Variants in CGRRF1 observed in about 807,000 individuals in gnomAD.
CGRRF1 encodes cell growth regulator with ring finger domain 1.
Under a neutral mutation model 37.2 loss-of-function variants are expected in CGRRF1, and 32 were observed. The ratio of observed to expected loss-of-function variants is 0.86; its 90% CI spans 0.65 to 1.16. The LOEUF is 1.16. Ranked by LOEUF, CGRRF1 falls within the 50% of genes most tolerant of loss-of-function variation. The probability of loss-of-function intolerance (pLI) is 0.00; values close to 1 mark genes in which losing one functional copy is unlikely to be tolerated. For synonymous variants in CGRRF1, 141 were observed against 140.3 expected (o/e 1.00, Z -0.04); for missense variants, 391 against 382.6 (o/e 1.02, Z -0.18).
chr14:54,521,658 C>T (rs1040202620), intron 1 of CGRRF1, among the ~76,000 whole-genome samples: 3 of 151,626 alleles, frequency 2.0e-5, no homozygotes, highest in Non-Finnish European at 4.4e-5. Flanking sequence ...GTCCACGCCA[C>T]CATGCCCAGC....
intron 1 of CGRRF1, 38 bp from the exon 2 acceptor site, chr14:54,522,416 T>G (rs1238065871): frequency 7.3e-7 from 1 of 1,377,758 alleles, no homozygotes; most frequent in Non-Finnish European, 9.7e-7. Context: ...AGTTTCAACA[T>G]TTGTTAAAAT....
chr14:54,530,240 T>C lies in CGRRF1; in HGVS notation c.422+14T>C. On this transcript the variant is annotated intron_variant, in intron 3 of 5. Transcript: ENST00000216420. ...GGAACAGTATTTGTATCCTTTCGTC[T>C]GATATACCCATTAGCACTGAAAATT... 6.3e-7 allele frequency: 1 copy of C among 1,575,082 alleles called. No homozygotes were observed. Among genetic ancestry groups the C allele is most frequent in the Non-Finnish European group, 8.7e-7 (1 of 1,148,962 alleles).
chr14:54,519,094 C>T (rs61987166), intron 1 of CGRRF1, among the ~76,000 whole-genome samples: 6,311 of 152,186 alleles, frequency 0.041, 247 homozygotes, highest in East Asian at 0.18. Context: ...AGGCATGCAC[C>T]ACCATGCCCA....
chr14:54,520,144 T>G (rs753552925), intron 1 of CGRRF1, among the ~76,000 whole-genome samples: 2 of 152,176 alleles, frequency 1.3e-5, no homozygotes, highest in Non-Finnish European at 2.9e-5. Flanking sequence ...AGTCTTGCTC[T>G]GTCGCTCAGG....
At chr14:54,531,244 C>T (rs2032510663) in intron 4 of CGRRF1, 194 bp downstream of exon 4, 5 of 519,364 alleles carry the variant, frequency 9.6e-6, no homozygotes, top group Non-Finnish European at 1.4e-5. Context: ...CCTTATGGGT[C>T]ACAGTAATAT....
chr14:54,522,076 A>G (rs2032326545), intron 1 of CGRRF1, among the ~76,000 whole-genome samples: 1 of 152,176 alleles, frequency 6.6e-6, no homozygotes, highest in Non-Finnish European at 1.5e-5. Context: ...TCCCTTATAT[A>G]ACATTACATA....
At chr14:54,535,077 T>C (rs2032578536) in intron 4 of CGRRF1, among the ~76,000 whole-genome samples, 1 of 152,176 alleles carries the variant, frequency 6.6e-6, no homozygotes, top group Non-Finnish European at 1.5e-5. Context: ...AAATCAATGA[T>C]TTGAGAATAA....
intron 1 of CGRRF1, among the ~76,000 whole-genome samples, chr14:54,518,070 T>C (rs922258694): frequency 3.9e-5 from 6 of 152,222 alleles, no homozygotes; most frequent in African/African-American, 1.2e-4. Context: ...TTGTGACTAG[T>C]GCTGAAATTA....
Position 54,509,916 on chromosome 14 carries a change from G to A in CGRRF1, c.-44G>A. 6.9e-7 allele frequency: 1 copy of A among 1,457,234 alleles called. No homozygotes were observed. Among genetic ancestry groups the A allele is most frequent in the Non-Finnish European group, 9.6e-7 (1 of 1,038,228 alleles). 90.3% of individuals were successfully genotyped at this position (1,457,234 alleles called of 1,614,324 possible). Reference sequence around the variant, plus strand: ...GGGCGGGGCTCAGCCGGGCTGGGCTGGGCTCCGCGGCTGGAGCCGGGCTCT... The same window carrying A: ...GGGCGGGGCTCAGCCGGGCTGGGCTAGGCTCCGCGGCTGGAGCCGGGCTCT... On this transcript the variant is annotated 5_prime_UTR_variant, in exon 1 of 6. Transcript: ENST00000216420.
intron 4 of CGRRF1, 79 bp downstream of exon 4, chr14:54,531,129 A>G (rs752260492): frequency 1.7e-5 from 20 of 1,197,600 alleles, no homozygotes; most frequent in Admixed American, 2.7e-5. Flanking sequence ...AAATAGAAAA[A>G]GTTTTATTTT....
In CGRRF1 at chr14:54,538,296, G is replaced by T. The variant is rs200267394; in HGVS notation, c.912G>T (p.Gln304His). Residue 304 changes from glutamine to histidine, a missense_variant, in exon 6 of 6, where the codon CAG becomes CAT. Coordinates refer to ENST00000216420, the MANE Select transcript of CGRRF1 (RefSeq NM_006568.3). Reference protein sequence around the residue: ...LCDGCVKYFQQCPMCRQFVQE... With the variant: ...LCDGCVKYFQHCPMCRQFVQE... ...ATGGCTGTGTGAAGTATTTTCAGCA[G>T]TGCCCAATGTGCAGGCAGTTTGTTC... is the stretch of plus-strand genomic sequence containing the variant. The T allele has an allele frequency of 3.1e-4, 499 of 1,614,188 alleles. No homozygotes were observed. The highest frequency in any genetic ancestry group is 4.1e-4 in the Non-Finnish European group (482 of 1,180,018).
chr14:54,537,793 T>C lies in CGRRF1; in HGVS notation c.642T>C (p.Tyr214=). 6.2e-7 allele frequency: 1 copy of C among 1,602,926 alleles called. No individual in the cohort carries two copies. Among genetic ancestry groups the C allele is most frequent in the Non-Finnish European group, 8.5e-7 (1 of 1,177,126 alleles). ...YKLSCRILYQ[Y]LLLAQGQFHD... Reference sequence around the variant, plus strand: ...TATCCTGCAGAATATTGTATCAATATTTACTCTTGGCTCAAGGTCAATTTC... The same window carrying C: ...TATCCTGCAGAATATTGTATCAATACTTACTCTTGGCTCAAGGTCAATTTC... Residue 214 remains tyrosine (Y), a synonymous_variant, in exon 5 of 6, where the codon TAT becomes TAC. Transcript: ENST00000216420.
chr14:54,533,522 G>T (rs1189423454), intron 4 of CGRRF1, among the ~76,000 whole-genome samples: 1 of 151,942 alleles, frequency 6.6e-6, no homozygotes, highest in Non-Finnish European at 1.5e-5. Context: ...AGTGTATTTT[G>T]TATTAATGTT....
intron 4 of CGRRF1, 197 bp from the exon 5 acceptor site, chr14:54,537,521 GTAAC>G (rs2032618821): frequency 7.2e-6 from 3 of 418,518 alleles, no homozygotes; most frequent in Non-Finnish European, 1.1e-5. Flanking sequence ...AAATATGTCA[GTAAC>G]TGATTCCTCT....
intron 2 of CGRRF1, among the ~76,000 whole-genome samples, chr14:54,524,868 A>G (rs929950984): frequency 2.6e-5 from 4 of 152,192 alleles, no homozygotes; most frequent in African/African-American, 7.2e-5. Context: ...TGACACAGAT[A>G]AAACTAATTT....
At position 54,528,065 on chromosome 14, in the gene CGRRF1, A is replaced by G. The variant is rs1441851353; in HGVS notation, c.245-1984A>G. Among the ~76,000 whole-genome samples the G allele has an allele frequency of 2.6e-5, 4 of 152,264 alleles. No homozygotes were observed. The East Asian group carries it at 5.8e-4, about 22-fold the overall frequency. Reference sequence around the variant, plus strand: ...CTGTTCTTCTTTAATGTAAACAAACACATATATGGGTATCCATTCTTGTGA... The same window carrying G: ...CTGTTCTTCTTTAATGTAAACAAACGCATATATGGGTATCCATTCTTGTGA... On this transcript the variant is annotated intron_variant, in intron 2 of 5. Coordinates refer to ENST00000216420, the MANE Select transcript of CGRRF1 (RefSeq NM_006568.3).
At chr14:54,534,455 A>G (rs1224829284) in intron 4 of CGRRF1, among the ~76,000 whole-genome samples, 1 of 152,072 alleles carries the variant, frequency 6.6e-6, no homozygotes, top group Non-Finnish European at 1.5e-5. Context: ...GATAACTACT[A>G]TTTTCTACTA....
At chr14:54,525,760 T>C (rs2032401107) in intron 2 of CGRRF1, among the ~76,000 whole-genome samples, 1 of 152,200 alleles carries the variant, frequency 6.6e-6, no homozygotes, top group Non-Finnish European at 1.5e-5. Context: ...GCCTGACATA[T>C]AGCAGAAGAG....
At chr14:54,524,084 C>T (rs943620095) in intron 2 of CGRRF1, among the ~76,000 whole-genome samples, 1 of 152,140 alleles carries the variant, frequency 6.6e-6, no homozygotes, top group Non-Finnish European at 1.5e-5. Context: ...CCCTGTATCC[C>T]TTTACTGAAA....
Sources: gnomAD v4.1 joint callset for allele counts (sites outside exome capture counted in the v4.1 genomes callset) on GRCh38, gnomAD v4.1.1 for gene constraint, MANE v1.5 for transcripts, NCBI Gene and HGNC (gene_info 2026-07-23, HGNC 2026-07-21) for gene names.